AKAP13: variants seen among roughly 807,000 people sequenced by gnomAD.
AKAP13 encodes the protein A-kinase anchoring protein 13.
In AKAP13, 80 loss-of-function variants were observed where a neutral mutation model predicts 264.5. The observed-to-expected ratio is 0.30, with a 90% confidence interval of 0.25 to 0.36. The LOEUF is 0.36. Among genes scored for constraint, AKAP13 ranks in the 10% least tolerant of loss-of-function variants. The pLI, the probability that AKAP13 is intolerant of heterozygous loss-of-function variation, is 1.00. For synonymous variants in AKAP13, 1,380 were observed against 1,250.2 expected (o/e 1.10, Z -2.19); for missense variants, 3,712 against 3,435.2 (o/e 1.08, Z -2.01).
At chr15:85,620,284 T>G in intron 8 of AKAP13, 5 of 979,008 alleles carry the variant, frequency 5.1e-6, no homozygotes, top group Non-Finnish European at 7.7e-6. Context: ...CCGAGAAATC[T>G]GTGCACAGTG....
intron 1 of AKAP13, among the ~76,000 whole-genome samples, chr15:85,411,452 T>A (rs1044352044): frequency 4.7e-4 from 71 of 152,326 alleles, no homozygotes; most frequent in African/African-American, 1.7e-3. Flanking sequence ...CTGCTTTTTT[T>A]TTTGAGATGG....
intron 17 of AKAP13, among the ~76,000 whole-genome samples, chr15:85,696,791 C>T (rs547007241): frequency 1.3e-5 from 2 of 152,234 alleles, no homozygotes; most frequent in African/African-American, 2.4e-5. Context: ...AAGAGCATGC[C>T]CCCTCATTTG....
intron 1 of AKAP13, among the ~76,000 whole-genome samples, chr15:85,452,528 G>A (rs926046382): frequency 6.6e-6 from 1 of 151,928 alleles, no homozygotes; most frequent in African/African-American, 2.4e-5. Flanking sequence ...TGTAGATTGA[G>A]TATGGTCAAT....
chr15:85,716,578 C>T (rs1005379697), intron 20 of AKAP13, among the ~76,000 whole-genome samples: 4 of 152,152 alleles, frequency 2.6e-5, no homozygotes, highest in African/African-American at 9.7e-5. Flanking sequence ...CAGAGTATCT[C>T]TTTAACCTAT....
At chr15:85,657,077 T>G (rs1463238517) in intron 11 of AKAP13, among the ~76,000 whole-genome samples, 2 of 152,048 alleles carry the variant, frequency 1.3e-5, no homozygotes, top group African/African-American at 4.8e-5. Flanking sequence ...GCCCAGAAGT[T>G]CGAGGCTGCA....
At position 85,581,033 on chromosome 15, in the gene AKAP13, G is replaced by A; in HGVS notation, c.2965G>A (p.Ala989Thr). The change falls in exon 7 of 37, where the codon GCC becomes ACC. Residue 989 changes from alanine (A) to threonine (T), a missense_variant. Physicochemically the swap from Ala to Thr is moderately conservative, Grantham distance 58. Around this residue, in one of 3 missense-constraint regions of AKAP13, gnomAD observed 2,759 missense variants for 2,411.7 expected, o/e 1.14. Transcript: ENST00000394518. ...QLSNSPGASS[A>T]FLKAETEHNK... The stretch of plus-strand genomic sequence containing the variant: ...AAGTAATTCACCGGGTGCATCCTCT[G>A]CCTTTCTTAAGGCAGAAACTGAACA... 1 of 1,613,890 alleles carries A rather than the reference G, an allele frequency of 6.2e-7. No homozygotes were observed. Among genetic ancestry groups the A allele is most frequent in the East Asian group, 2.2e-5 (1 of 44,882 alleles).
Position 85,577,925 on chromosome 15 carries a change from AGGATTTGTT to A in AKAP13, c.862-1004_862-996del, listed in dbSNP as rs1477788098. The A allele has an allele frequency of 9.9e-6, 7 of 708,264 alleles. No homozygotes were observed. In the Admixed American group the frequency reaches 2.5e-4, roughly 25 times the overall value. The allele number at this position is 708,264 out of a possible 1,614,324, so 43.9% of individuals were successfully genotyped here. A position where few individuals can be genotyped will look rare whatever the true frequency, so the allele number is the denominator to read the frequency against. ...CTGCACCTTGTAATGGAAAAGAGCT[AGGATTTGTT>A]TTTACTTGTATATATGAGGCAGGGT... On this transcript the variant is annotated intron_variant, in intron 6 of 36. Coordinates refer to ENST00000394518, the MANE Select transcript of AKAP13 (RefSeq NM_007200.5).
chr15:85,601,268 T>G (rs1214082437), intron 8 of AKAP13, among the ~76,000 whole-genome samples: 1 of 152,226 alleles, frequency 6.6e-6, no homozygotes, highest in Non-Finnish European at 1.5e-5. Context: ...GGAAGTACCT[T>G]TCAGTTAACT....
At chr15:85,513,101 G>A (rs1181658715) in intron 2 of AKAP13, among the ~76,000 whole-genome samples, 1 of 152,084 alleles carries the variant, frequency 6.6e-6, no homozygotes, top group African/African-American at 2.4e-5. Flanking sequence ...CACCGTTCCC[G>A]GCCCAGTGTT....
At chr15:85,730,742 A>C (rs761882200) in intron 30 of AKAP13, 35 bp downstream of exon 30, 5 of 1,575,264 alleles carry the variant, frequency 3.2e-6, no homozygotes, top group Non-Finnish European at 4.3e-6. Context: ...CTCTTCATCT[A>C]CTCCCAGAGT....
intron 8 of AKAP13, among the ~76,000 whole-genome samples, chr15:85,614,789 A>C (rs375022031): frequency 1.3e-5 from 2 of 152,336 alleles, no homozygotes; most frequent in East Asian, 1.9e-4. Context: ...TCTAAGTGCT[A>C]CTTTTCCTCA....
At chr15:85,672,713 A>G (rs961412088) in intron 14 of AKAP13, among the ~76,000 whole-genome samples, 4 of 152,212 alleles carry the variant, frequency 2.6e-5, no homozygotes, top group African/African-American at 9.7e-5. Context: ...CATCAATTCA[A>G]CTGTTAAATG....
At chr15:85,710,512 T>G (rs1177381460) in intron 18 of AKAP13, 67 bp from the exon 19 acceptor site, 1 of 1,520,316 alleles carries the variant, frequency 6.6e-7, no homozygotes, top group East Asian at 2.3e-5. Flanking sequence ...GCTTGCTCCC[T>G]TCCTACTCGG....
At position 85,380,653 on chromosome 15, in the gene AKAP13, T is replaced by G. The variant is rs1009967307; in HGVS notation, c.-157T>G. On this transcript the variant is annotated 5_prime_UTR_variant, in exon 1 of 37. Transcript: ENST00000394518. ...AGCAGCCGCGGTGAAGCGCCTGTGC[T>G]CTGCCGAGACTGCCGTGCCCATTGC... The G allele has an allele frequency of 6.7e-6, 1 of 149,360 alleles. No homozygotes were observed. Among genetic ancestry groups the G allele is most frequent in the African/African-American group, 2.4e-5 (1 of 40,864 alleles). The allele number at this position is 149,360 out of a possible 1,614,324, so 9.3% of individuals were successfully genotyped here. A position where few individuals can be genotyped will look rare whatever the true frequency, so the allele number is the denominator to read the frequency against.
chr15:85,643,318 G>T (rs1283388316), intron 9 of AKAP13, among the ~76,000 whole-genome samples: 1 of 151,772 alleles, frequency 6.6e-6, no homozygotes. Flanking sequence ...TTACTCCCCA[G>T]TATTTAGCCA....
chr15:85,415,177 G>A (rs182660252), intron 1 of AKAP13: 4 of 1,117,540 alleles, frequency 3.6e-6, no homozygotes, highest in African/African-American at 3.1e-5. Context: ...ACAGCACGCT[G>A]CCACGCCGAC....
chr15:85,557,000 C>A (rs565734808), intron 5 of AKAP13, among the ~76,000 whole-genome samples: 26 of 152,340 alleles, frequency 1.7e-4, no homozygotes, highest in Non-Finnish European at 2.5e-4. Flanking sequence ...TGTGTATACA[C>A]TTCCTTTTAG....
At chr15:85,736,424 TG>T (rs66738511) in intron 33 of AKAP13, among the ~76,000 whole-genome samples, 28,808 of 118,086 alleles carry the variant, frequency 0.24, 3,453 homozygotes, top group Middle Eastern at 0.48. Context: ...GCTGTTTTTT[TG>T]TTTGTTTGTT....
chr15:85,744,971 T>C lies in AKAP13; in HGVS notation c.*294T>C. On this transcript the variant is annotated 3_prime_UTR_variant, in exon 37 of 37. Transcript: ENST00000394518. ...ATGGCCTCGTAAGTACAGGTGATGGTTTTGGACACGTCAGGAATTCCTAAA... is the reference window on the plus strand; with the variant it reads ...ATGGCCTCGTAAGTACAGGTGATGGCTTTGGACACGTCAGGAATTCCTAAA... 1 of 310,792 alleles carries C rather than the reference T, an allele frequency of 3.2e-6. No homozygotes were observed. The highest frequency in any genetic ancestry group is 5.9e-6 in the Non-Finnish European group (1 of 168,324). 19.3% of individuals were successfully genotyped at this position (310,792 alleles called of 1,614,324 possible). A position where few individuals can be genotyped will look rare whatever the true frequency, so the allele number is the denominator to read the frequency against.
Sources: gnomAD v4.1 joint callset for allele counts (sites outside exome capture counted in the v4.1 genomes callset) on GRCh38, gnomAD v4.1.1 for gene constraint, gnomAD v4.1.1 regional missense constraint, MANE v1.5 for transcripts, NCBI Gene and HGNC (gene_info 2026-07-23, HGNC 2026-07-21) for gene names.